OPCML: variants seen among roughly 807,000 people sequenced by gnomAD.
The protein encoded by OPCML is opioid-binding protein/cell adhesion molecule.
In OPCML, 13 loss-of-function variants were observed where a neutral mutation model predicts 37.8. The ratio of observed to expected loss-of-function variants is 0.34; its 90% confidence interval spans 0.22 to 0.55. The LOEUF is 0.55. Ranked by LOEUF, OPCML falls within the 20% of genes least tolerant of loss-of-function variation. The probability of loss-of-function intolerance (pLI) is 0.91; values close to 1 mark genes in which losing one functional copy is unlikely to be tolerated. For synonymous variants in OPCML, 176 were observed against 168.8 expected (o/e 1.04, Z -0.33); for missense variants, 341 against 435.6 (o/e 0.78, Z 1.93).
chr11:132,467,988 T>G (rs2096124905), intron 4 of OPCML, among the ~76,000 whole-genome samples: 1 of 152,162 alleles, frequency 6.6e-6, no homozygotes, highest in African/African-American at 2.4e-5. Context: ...TAGCTTCTGA[T>G]CTCCACGCTG....
At position 133,514,111 on chromosome 11, in the gene OPCML, A is replaced by T. The variant is rs144402005; in HGVS notation, c.61+18153T>A. Among the ~76,000 whole-genome samples the T allele has an allele frequency of 3.3e-5, 5 of 152,202 alleles. No individual in the cohort carries two copies. In the East Asian group the frequency reaches 7.7e-4, roughly 24 times the overall value. ...GAAACGAAAACAAAGACACCCCAAA[A>T]CTGTGGCAATGGTTCACATCGCCTG... On this transcript the variant is annotated intron_variant, in intron 1 of 7. Transcript: ENST00000524381.
intron 2 of OPCML, among the ~76,000 whole-genome samples, chr11:132,878,902 G>A (rs746924772): frequency 1.2e-4 from 18 of 152,294 alleles, no homozygotes; most frequent in South Asian, 2.1e-4. Flanking sequence ...GGATCTGAGC[G>A]TTGAGTACTT....
chr11:133,448,492 C>G (rs148850274), intron 1 of OPCML, among the ~76,000 whole-genome samples: 1 of 152,290 alleles, frequency 6.6e-6, no homozygotes, highest in East Asian at 1.9e-4. Context: ...GAGTCTCACT[C>G]TGTCACCCAG....
At chr11:133,370,483 A>C (rs1944648574) in intron 1 of OPCML, among the ~76,000 whole-genome samples, 1 of 145,166 alleles carries the variant, frequency 6.9e-6, no homozygotes, top group Non-Finnish European at 1.5e-5. Context: ...TAGCTCAAAC[A>C]GAAAAAAAAA....
intron 2 of OPCML, among the ~76,000 whole-genome samples, chr11:132,869,054 C>T (rs988476814): frequency 2.6e-5 from 4 of 151,992 alleles, no homozygotes; most frequent in Admixed American, 2.6e-4. Context: ...TGGGGTATGG[C>T]GGTAACTCCA....
intron 1 of OPCML, among the ~76,000 whole-genome samples, chr11:133,354,651 G>A (rs1163476360): frequency 6.6e-6 from 1 of 152,166 alleles, no homozygotes; most frequent in Non-Finnish European, 1.5e-5. Flanking sequence ...TCTCTCATTT[G>A]CAGTATTTTC....
intron 2 of OPCML, among the ~76,000 whole-genome samples, chr11:132,857,564 A>C (rs1187293298): frequency 6.6e-6 from 1 of 152,218 alleles, no homozygotes; most frequent in Non-Finnish European, 1.5e-5. Flanking sequence ...GTGTGAAGCC[A>C]GATATTCTTT....
chr11:133,256,094 G>A (rs1441873523), intron 1 of OPCML, among the ~76,000 whole-genome samples: 1 of 152,148 alleles, frequency 6.6e-6, no homozygotes, highest in Non-Finnish European at 1.5e-5. Context: ...TATGGATTTT[G>A]TTTCTATGGG....
intron 1 of OPCML, among the ~76,000 whole-genome samples, chr11:133,042,039 C>G (rs1947908210): frequency 6.6e-6 from 1 of 152,148 alleles, no homozygotes; most frequent in African/African-American, 2.4e-5. Context: ...CCGTGCAGAG[C>G]TGGGGGGTGG....
intron 1 of OPCML, among the ~76,000 whole-genome samples, chr11:133,409,197 G>A (rs1469454945): frequency 2.6e-5 from 4 of 152,160 alleles, no homozygotes; most frequent in Non-Finnish European, 5.9e-5. Context: ...GGAAACTGGG[G>A]CACAGAGAAA....
At chr11:133,013,784 C>G (rs920337461) in intron 1 of OPCML, among the ~76,000 whole-genome samples, 2 of 152,164 alleles carry the variant, frequency 1.3e-5, no homozygotes, top group African/African-American at 4.8e-5. Context: ...ATGAACTGGT[C>G]TAGGGCCAGT....
At chr11:133,416,277 G>C (rs529731040) in intron 1 of OPCML, among the ~76,000 whole-genome samples, 2 of 152,000 alleles carry the variant, frequency 1.3e-5, no homozygotes, top group African/African-American at 4.8e-5. Context: ...CTAAAATTTT[G>C]TTCTGATCAT....
At chr11:132,929,656 A>G (rs75521722) in intron 2 of OPCML, among the ~76,000 whole-genome samples, 2,065 of 152,320 alleles carry the variant, frequency 0.014, 23 homozygotes, top group Non-Finnish European at 0.021. Context: ...TATTAATGCA[A>G]AAATCTTTCA....
chr11:133,040,016 G>A (rs1032686252), intron 1 of OPCML, among the ~76,000 whole-genome samples: 8 of 151,378 alleles, frequency 5.3e-5, no homozygotes, highest in Admixed American at 2.6e-4. Context: ...GTGACAGCAC[G>A]AGACTCCATC....
intron 3 of OPCML, among the ~76,000 whole-genome samples, chr11:132,583,512 G>A (rs979024258): frequency 6.6e-6 from 1 of 152,072 alleles, no homozygotes; most frequent in Non-Finnish European, 1.5e-5. Context: ...TGTTGCTTAT[G>A]CTGGTATTAA....
Position 133,173,450 on chromosome 11 carries a change from A to C in OPCML, c.62-230440T>G, listed in dbSNP as rs1481518252. Reference sequence around the variant, plus strand: ...TAATAAATCGAGTGAACAAATAAATAAATGAGCAACCACTAGCCACAGATG... The same window carrying C: ...TAATAAATCGAGTGAACAAATAAATCAATGAGCAACCACTAGCCACAGATG... On this transcript the variant is annotated intron_variant, in intron 1 of 7. Transcript: ENST00000524381. The surrounding 1 kb of genome is among the most constrained non-coding windows in gnomAD (Gnocchi z 7.8). Among the ~76,000 whole-genome samples the C allele has an allele frequency of 6.6e-6, 1 of 152,214 alleles. No homozygotes were observed. Among genetic ancestry groups the C allele is most frequent in the African/African-American group, 2.4e-5 (1 of 41,450 alleles).
At chr11:133,060,542 C>G (rs1948322448) in intron 1 of OPCML, among the ~76,000 whole-genome samples, 1 of 152,228 alleles carries the variant, frequency 6.6e-6, no homozygotes, top group South Asian at 2.1e-4. Context: ...CAGAGAGAGA[C>G]AGTAGGTGCA....
intron 1 of OPCML, among the ~76,000 whole-genome samples, chr11:133,468,509 A>G (rs1053898999): frequency 5.9e-5 from 9 of 152,230 alleles, no homozygotes; most frequent in Admixed American, 2.6e-4. Context: ...CAAGGGTAGC[A>G]TTGGCTGCAG....
chr11:132,807,228 CTTGGTTTTT>C (rs1239712405), intron 2 of OPCML, among the ~76,000 whole-genome samples: 3 of 152,102 alleles, frequency 2.0e-5, no homozygotes, highest in Non-Finnish European at 4.4e-5. Flanking sequence ...ACGTCTCAAA[CTTGGTTTTT>C]TTGGAAATAC....
Sources: allele counts gnomAD v4.1 joint callset (sites outside exome capture counted in the v4.1 genomes callset), GRCh38; gene constraint gnomAD v4.1.1; non-coding constraint Gnocchi (gnomAD v3.1); transcripts MANE v1.5; gene names NCBI Gene and HGNC (gene_info 2026-07-23, HGNC 2026-07-21).